PYGB: variants seen among roughly 807,000 people sequenced by gnomAD.
The protein encoded by PYGB is glycogen phosphorylase, brain form.
Under a neutral mutation model 94.3 loss-of-function variants are expected in PYGB, and 82 were observed. The observed-to-expected ratio is 0.87, with a 90% confidence interval of 0.73 to 1.04. PYGB has a LOEUF of 1.04. PYGB is among the 50% of genes least tolerant of loss of function. The pLI, the probability that PYGB is intolerant of heterozygous loss-of-function variation, is 0.00. For synonymous variants in PYGB, 488 were observed against 479.1 expected (o/e 1.02, Z -0.24); for missense variants, 1,132 against 1,158.2 (o/e 0.98, Z 0.33).
At chr20:25,292,020 A>G (rs1411189552) in intron 16 of PYGB, among the ~76,000 whole-genome samples, 1 of 152,092 alleles carries the variant, frequency 6.6e-6, no homozygotes, top group Non-Finnish European at 1.5e-5. Context: ...TCCTGAAAGG[A>G]TCCAGGGAGC....
chr20:25,254,064 T>G (rs1479132792), intron 1 of PYGB, among the ~76,000 whole-genome samples: 1 of 107,474 alleles, frequency 9.3e-6, no homozygotes, highest in Non-Finnish European at 1.8e-5. Flanking sequence ...GGAGCGAGAC[T>G]CTGTCTCAAA....
chr20:25,295,650 C>T lies in PYGB; in HGVS notation c.2359C>T (p.Gln787Ter). The T allele has an allele frequency of 6.2e-7, 1 of 1,614,042 alleles. No individual in the cohort carries two copies. The highest frequency in any genetic ancestry group is 8.5e-7 in the Non-Finnish European group (1 of 1,179,956). The change falls in exon 19 of 20, where the codon CAG (glutamine) becomes TAG (stop). Residue 787 changes from glutamine (Q) to a stop codon, truncating the protein, a stop_gained. Transcript: ENST00000216962. LOFTEE classifies it high-confidence loss of function. ...TGAAGCCTACATGCAGTGCCAGGCA[C>T]AGGTGGACCAGCTGTACCGGGTGAG... ...DYEAYMQCQAQVDQLYRNPKE... is the reference protein window; with the variant it reads ...DYEAYMQCQA
At chr20:25,294,593 G>T in intron 18 of PYGB, 3 of 540,234 alleles carry the variant, frequency 5.6e-6, no homozygotes, top group Non-Finnish European at 1.0e-5. Flanking sequence ...GGAGGTCCCA[G>T]GGGCAGCCGT....
At position 25,275,129 on chromosome 20, in the gene PYGB, C is replaced by G. The variant is rs948989725; in HGVS notation, c.660+406C>G. 2.0e-4 allele frequency among the ~76,000 whole-genome samples: 31 copies of G among 152,262 alleles called. 1 individual carries two copies. ...AACAGCTCCCACTATCTCTGTGGAG[C>G]ACACGACAAGCTCGCTTGGCCTCCT... On this transcript the variant is annotated intron_variant, in intron 5 of 19. Coordinates refer to ENST00000216962, the MANE Select transcript of PYGB (RefSeq NM_002862.4).
At chr20:25,269,599 G>A (rs923108552) in intron 3 of PYGB, among the ~76,000 whole-genome samples, 1 of 152,190 alleles carries the variant, frequency 6.6e-6, no homozygotes, top group African/African-American at 2.4e-5. Flanking sequence ...TCAGCAGATT[G>A]CCTTGAAATA....
At chr20:25,287,371 G>A (rs1443239971) in intron 14 of PYGB, among the ~76,000 whole-genome samples, 2 of 152,252 alleles carry the variant, frequency 1.3e-5, no homozygotes, top group Non-Finnish European at 2.9e-5. Context: ...TAAGGCCAGT[G>A]TGGTGGCTCA....
intron 4 of PYGB, 112 bp downstream of exon 4, chr20:25,271,598 G>A: frequency 1.7e-6 from 2 of 1,147,438 alleles, no homozygotes; most frequent in Admixed American, 1.9e-5. Flanking sequence ...GGGGACTGCA[G>A]GCCGGCCAGG....
intron 1 of PYGB, among the ~76,000 whole-genome samples, chr20:25,249,188 A>G (rs2092880410): frequency 6.6e-6 from 1 of 152,210 alleles, no homozygotes; most frequent in African/African-American, 2.4e-5. Context: ...TGTTTTTGGT[A>G]TTCCTAAATA....
intron 14 of PYGB, 76 bp downstream of exon 14, chr20:25,284,327 C>G (rs925312125): frequency 2.6e-6 from 4 of 1,543,958 alleles, no homozygotes; most frequent in African/African-American, 2.7e-5. Context: ...GTGCACAGAC[C>G]CTGGGCCTCT....
At chr20:25,284,042 G>T (rs963781371) in intron 13 of PYGB, 62 bp from the exon 14 acceptor site, 9 of 1,584,474 alleles carry the variant, frequency 5.7e-6, no homozygotes, top group South Asian at 3.5e-5. Flanking sequence ...GCAGGAAGCC[G>T]CAGGGTCAGT....
rs114114279 is a variant in PYGB at position 25,277,506 on chromosome 20, T to C, written c.855+180T>C. Among the ~76,000 whole-genome samples, 1,079 of 152,240 alleles carry C rather than the reference T, an allele frequency of 7.1e-3. 14 individuals are homozygous for C. Among genetic ancestry groups the C allele is most frequent in the African/African-American group, 0.025 (1,029 of 41,554 alleles). On this transcript the variant is annotated intron_variant, in intron 7 of 19. Coordinates refer to ENST00000216962, the MANE Select transcript of PYGB (RefSeq NM_002862.4). ...TTGGGGAGGAGAGGGTGCACTGTCCTCCATAAAGCCCAAGCGGCTCTTCGT... is the reference window on the plus strand; with the variant it reads ...TTGGGGAGGAGAGGGTGCACTGTCCCCCATAAAGCCCAAGCGGCTCTTCGT...
rs1169186615 is a variant in PYGB at position 25,295,683 on chromosome 20, G to T, written c.2379+13G>T. 1.2e-6 allele frequency: 2 copies of T among 1,609,926 alleles called. No individual in the cohort carries two copies. Among genetic ancestry groups the T allele is most frequent in the South Asian group, 2.2e-5 (2 of 90,986 alleles). ...CCAGCTGTACCGGGTGAGGCTCCTG[G>T]GTCCAGAGGCTAGGGGAGCAGCTGG... is the stretch of plus-strand genomic sequence containing the variant. On this transcript the variant is annotated intron_variant, in intron 19 of 19. Transcript: ENST00000216962.
Position 25,296,854 on chromosome 20 carries a change from A to G in PYGB, c.*332A>G, listed in dbSNP as rs183892826. On this transcript the variant is annotated 3_prime_UTR_variant, in exon 20 of 20. Coordinates refer to ENST00000216962, the MANE Select transcript of PYGB (RefSeq NM_002862.4). ...CCCAGAACTTTGCACACATCTTGCT[A>G]TGTATTAGCCGATGTCTTTAGTGTT... The G allele has an allele frequency of 1.6e-3, 489 of 312,164 alleles. No individual in the cohort carries two copies. The highest frequency in any genetic ancestry group is 2.3e-3 in the Non-Finnish European group (387 of 166,648). The allele number at this position is 312,164 out of a possible 1,614,324, so 19.3% of individuals were successfully genotyped here. A position where few individuals can be genotyped will look rare whatever the true frequency, so the allele number is the denominator to read the frequency against.
intron 1 of PYGB, among the ~76,000 whole-genome samples, chr20:25,253,028 C>T (rs1459829473): frequency 6.6e-6 from 1 of 152,248 alleles, no homozygotes; most frequent in Non-Finnish European, 1.5e-5. Flanking sequence ...AAAGACACTT[C>T]TTTCATTTTT....
At position 25,274,622 on chromosome 20, in the gene PYGB, G is replaced by A. The variant is rs200865925; in HGVS notation, c.559G>A (p.Gly187Ser). 2.9e-5 allele frequency: 46 copies of A among 1,613,620 alleles called. No homozygotes were observed. The highest frequency in any genetic ancestry group is 3.7e-5 in the Non-Finnish European group (44 of 1,179,990). The change falls in exon 5 of 20, where the codon GGC becomes AGC. Residue 187 changes from glycine (G) to serine (S), a missense_variant. By Grantham distance (56) the Gly-to-Ser change is moderately conservative. Coordinates refer to ENST00000216962, the MANE Select transcript of PYGB (RefSeq NM_002862.4). ...VEEADDWLRY[G>S]NPWEKARPEY... ...GGAGGCCGATGACTGGCTGCGCTAC[G>A]GCAACCCCTGGGAGAAAGCGCGGCC...
chr20:25,283,085 C>A, intron 12 of PYGB, 91 bp from the exon 13 acceptor site: 1 of 1,060,882 alleles, frequency 9.4e-7, no homozygotes, highest in Non-Finnish European at 1.4e-6. Flanking sequence ...AAAGCAGGGG[C>A]GTGGGCAACA....
chr20:25,255,727 C>T (rs912834471), intron 1 of PYGB, among the ~76,000 whole-genome samples: 4 of 148,748 alleles, frequency 2.7e-5, no homozygotes, highest in African/African-American at 7.8e-5. Context: ...TGAAAGCAGC[C>T]GCCCAACTCT....
At chr20:25,266,016 A>G (rs77528141) in intron 2 of PYGB, among the ~76,000 whole-genome samples, 2 of 151,974 alleles carry the variant, frequency 1.3e-5, no homozygotes, top group African/African-American at 2.4e-5. Context: ...TGTTGATAGT[A>G]TATATTACTC....
At chr20:25,277,528 T>C (rs564752304) in intron 7 of PYGB, among the ~76,000 whole-genome samples, 126 of 152,242 alleles carry the variant, frequency 8.3e-4, no homozygotes, top group African/African-American at 3.0e-3. Context: ...AAGCGGCTCT[T>C]CGTGTGCCTC....
Sources: allele counts gnomAD v4.1 joint callset (sites outside exome capture counted in the v4.1 genomes callset), GRCh38; gene constraint gnomAD v4.1.1; transcripts MANE v1.5; gene names NCBI Gene and HGNC (gene_info 2026-07-23, HGNC 2026-07-21).